The following RASGRF2 variants were observed in gnomAD, a reference collection of about 807,000 sequenced individuals.
The protein encoded by RASGRF2 is ras-specific guanine nucleotide-releasing factor 2.
RASGRF2 carries 76 observed loss-of-function variants against 151.0 expected under a neutral mutation model. The observed-to-expected ratio is 0.50, with a 90% CI of 0.42 to 0.61. The LOEUF is 0.61. RASGRF2 is among the 20% of genes least tolerant of loss of function. RASGRF2 has a pLI of 0.00. For missense variants in RASGRF2, 1,148 were observed against 1,564.6 expected, an observed-to-expected ratio of 0.73 and a Z score of 4.49; for synonymous variants, 504 against 566.5, an observed-to-expected ratio of 0.89 and a Z score of 1.57.
At chr5:81,217,516 G>A in intron 25 of RASGRF2, 43 bp downstream of exon 25, 1 of 1,443,244 alleles carries the variant, frequency 6.9e-7, no homozygotes, top group Non-Finnish European at 9.3e-7. Context: ...TGGCTTTAGA[G>A]GTTTATAGAG....
In RASGRF2 at chr5:81,113,879, G is replaced by A. The variant is rs745409647; in HGVS notation, c.2429G>A (p.Arg810His). The part of the protein sequence containing the change: ...GTVEENVDNP[R>H]VDLCNKLKRS... Reference sequence around the variant, plus strand: ...GTAGAAGAGAATGTCGATAACCCACGCGTGGATCTGTGTAACAAGCTAAAA... The same window carrying A: ...GTAGAAGAGAATGTCGATAACCCACACGTGGATCTGTGTAACAAGCTAAAA... Residue 810 changes from arginine to histidine, a missense_variant, in exon 15 of 27, where the codon CGC becomes CAC. This residue lies in a region of RASGRF2 where 646 missense variants were observed against 807.4 expected (regional missense o/e 0.80). Coordinates refer to ENST00000265080, the MANE Select transcript of RASGRF2 (RefSeq NM_006909.3). 20 of 1,614,022 alleles carry A rather than the reference G, an allele frequency of 1.2e-5. No individual in the cohort carries two copies. Among genetic ancestry groups the A allele is most frequent in the African/African-American group, 6.7e-5 (5 of 74,908 alleles).
At chr5:81,083,706 T>A (rs1202945781) in intron 7 of RASGRF2, among the ~76,000 whole-genome samples, 2 of 152,216 alleles carry the variant, frequency 1.3e-5, no homozygotes, top group Non-Finnish European at 2.9e-5. Context: ...CTTCAGCTGC[T>A]CATGTATTTA....
intron 5 of RASGRF2, among the ~76,000 whole-genome samples, chr5:81,074,395 G>C (rs533961140): frequency 8.2e-4 from 124 of 152,140 alleles, no homozygotes; most frequent in Non-Finnish European, 9.6e-4. Flanking sequence ...TGAGTAGATA[G>C]TACACTCACA....
chr5:81,191,394 G>A (rs1755150673), intron 18 of RASGRF2, among the ~76,000 whole-genome samples: 1 of 152,118 alleles, frequency 6.6e-6, no homozygotes, highest in Non-Finnish European at 1.5e-5. Context: ...AAGGAAGGAT[G>A]CACCCACCAG....
intron 17 of RASGRF2, among the ~76,000 whole-genome samples, chr5:81,162,204 G>A (rs1754400455): frequency 6.9e-6 from 1 of 144,248 alleles, no homozygotes; most frequent in Non-Finnish European, 1.5e-5. Flanking sequence ...GGTGGTGGGG[G>A]ACATGGGGGG....
At chr5:81,198,416 T>G (rs1402967202) in intron 18 of RASGRF2, among the ~76,000 whole-genome samples, 1 of 151,990 alleles carries the variant, frequency 6.6e-6, no homozygotes, top group Non-Finnish European at 1.5e-5. Flanking sequence ...GGCCTGTATC[T>G]TCATCCATGT....
rs181205339 is a variant in RASGRF2 at position 81,201,463 on chromosome 5, C to T, written c.2906+21C>T. The T allele has an allele frequency of 1.4e-3, 2,198 of 1,601,814 alleles. 43 individuals carry two copies. The Admixed American group carries it at 0.035, about 25-fold the overall frequency. On this transcript the variant is annotated intron_variant, in intron 19 of 26. Transcript: ENST00000265080. ...CTCAGGTGAAGGCAGCTGAAGATGC[C>T]GACTGGATGACATTGGTTGATTCCT...
At chr5:81,176,202 C>A (rs1754770556) in intron 17 of RASGRF2, among the ~76,000 whole-genome samples, 2 of 152,148 alleles carry the variant, frequency 1.3e-5, no homozygotes, top group Non-Finnish European at 2.9e-5. Flanking sequence ...CTGCTGCAAA[C>A]CACCACCTAA....
intron 8 of RASGRF2, among the ~76,000 whole-genome samples, 162 bp downstream of exon 8, chr5:81,086,073 A>C (rs1752220692): frequency 6.6e-6 from 1 of 152,230 alleles, no homozygotes; most frequent in South Asian, 2.1e-4. Context: ...ATATTGAATC[A>C]TCATTCACAT....
chr5:81,056,255 G>A (rs1422263444), intron 2 of RASGRF2, among the ~76,000 whole-genome samples: 2 of 152,094 alleles, frequency 1.3e-5, no homozygotes, highest in Non-Finnish European at 2.9e-5. Context: ...GCTTTCTCTT[G>A]TGGGCATTTA....
intron 2 of RASGRF2, among the ~76,000 whole-genome samples, chr5:81,051,006 A>G (rs933376802): frequency 1.3e-5 from 2 of 152,182 alleles, no homozygotes; most frequent in Non-Finnish European, 2.9e-5. Flanking sequence ...TATTAGTATA[A>G]TAAGCATTTT....
At chr5:81,133,537 A>G (rs950199514) in intron 17 of RASGRF2, among the ~76,000 whole-genome samples, 3 of 152,244 alleles carry the variant, frequency 2.0e-5, no homozygotes, top group Admixed American at 6.5e-5. Flanking sequence ...AGAGCACATC[A>G]TTGCACTTAC....
intron 19 of RASGRF2, among the ~76,000 whole-genome samples, chr5:81,205,750 TTTTA>T (rs1755491713): frequency 6.6e-6 from 1 of 152,154 alleles, no homozygotes; most frequent in Non-Finnish European, 1.5e-5. Flanking sequence ...TTTTGTTTTA[TTTTA>T]TTTATTTATT....
intron 2 of RASGRF2, among the ~76,000 whole-genome samples, chr5:81,063,470 C>T (rs1751503371): frequency 6.6e-6 from 1 of 152,246 alleles, no homozygotes; most frequent in Middle Eastern, 3.4e-3. Context: ...TAGTTTCAAA[C>T]TCAGGTGATC....
At chr5:81,080,052 G>A in intron 5 of RASGRF2, 69 bp from the exon 6 acceptor site, 3 of 1,533,236 alleles carry the variant, frequency 2.0e-6, no homozygotes, top group Non-Finnish European at 2.6e-6. Context: ...AGGCTTTAAG[G>A]ACTCTGGATT....
chr5:81,087,613 G>T, intron 9 of RASGRF2: 1 of 533,790 alleles, frequency 1.9e-6, no homozygotes, highest in Non-Finnish European at 3.3e-6. Flanking sequence ...GCCTGACAGT[G>T]CCTATTTCTC....
intron 2 of RASGRF2, among the ~76,000 whole-genome samples, chr5:81,053,224 C>T (rs1375717488): frequency 1.3e-5 from 2 of 151,212 alleles, no homozygotes; most frequent in African/African-American, 4.9e-5. Flanking sequence ...GTGCTGCACC[C>T]ATTAACTCAT....
intron 22 of RASGRF2, among the ~76,000 whole-genome samples, chr5:81,212,135 A>G (rs1159824846): frequency 2.6e-5 from 4 of 152,220 alleles, no homozygotes; most frequent in African/African-American, 7.2e-5. Flanking sequence ...TCCCTCAACA[A>G]GCGGGAATCC....
At chr5:81,015,116 CCAACCATCTTCACAAAGA>C (rs1417637241) in intron 1 of RASGRF2, among the ~76,000 whole-genome samples, 1 of 152,094 alleles carries the variant, frequency 6.6e-6, no homozygotes, top group Non-Finnish European at 1.5e-5. Context: ...ATACAGATTG[CCAACCATCTTCACAAAGA>C]TGGTAGCCAT....
Sources: gnomAD v4.1 joint callset for allele counts (sites outside exome capture counted in the v4.1 genomes callset) on GRCh38, gnomAD v4.1.1 for gene constraint, gnomAD v4.1.1 regional missense constraint, MANE v1.5 for transcripts, NCBI Gene and HGNC (gene_info 2026-07-23, HGNC 2026-07-21) for gene names.